ITGA8: variants seen among roughly 807,000 people sequenced by gnomAD.
ITGA8 encodes integrin alpha-8.
A neutral mutation model predicts 142.3 loss-of-function variants in ITGA8; 91 were observed. The ratio of observed to expected loss-of-function variants is 0.64; its 90% CI spans 0.54 to 0.76. ITGA8 has a LOEUF of 0.76. Among genes scored for constraint, ITGA8 ranks in the 30% least tolerant of loss-of-function variants. The pLI is 0.00. For missense variants in ITGA8, 1,406 were observed against 1,327.7 expected (o/e 1.06, Z -0.92); for synonymous variants, 505 against 485.2 (o/e 1.04, Z -0.54).
rs114735261 is a variant in ITGA8 at position 15,688,492 on chromosome 10, A to G, written c.344-454T>C. On this transcript the variant is annotated intron_variant, in intron 2 of 29. Transcript: ENST00000378076. Reference sequence around the variant, plus strand: ...TCTCAAAAAAATAAAAGAGAAGGAAATAATCCAAGGGCCAGCATTATCCTG... The same window carrying G: ...TCTCAAAAAAATAAAAGAGAAGGAAGTAATCCAAGGGCCAGCATTATCCTG... 6.7e-3 allele frequency among the ~76,000 whole-genome samples: 1,017 copies of G among 152,196 alleles called. 7 individuals are homozygous for G. Among genetic ancestry groups the G allele is most frequent in the African/African-American group, 0.023 (952 of 41,516 alleles).
intron 14 of ITGA8, among the ~76,000 whole-genome samples, chr10:15,615,739 C>T (rs992473530): frequency 1.3e-5 from 2 of 152,116 alleles, no homozygotes; most frequent in African/African-American, 4.8e-5. Flanking sequence ...GTCTCAAATG[C>T]CTGACCTCAA....
At chr10:15,662,661 T>C (rs1377928906) in intron 8 of ITGA8, among the ~76,000 whole-genome samples, 1 of 152,106 alleles carries the variant, frequency 6.6e-6, no homozygotes, top group Non-Finnish European at 1.5e-5. Context: ...ATAATCAATA[T>C]AATCAGGAAA....
chr10:15,702,570 C>T (rs553633062), intron 2 of ITGA8, among the ~76,000 whole-genome samples: 2 of 152,266 alleles, frequency 1.3e-5, no homozygotes, highest in African/African-American at 4.8e-5. Flanking sequence ...GGATTATAGG[C>T]GTGAGCCACC....
intron 26 of ITGA8, among the ~76,000 whole-genome samples, chr10:15,553,376 A>G (rs889920469): frequency 1.3e-5 from 2 of 150,352 alleles, no homozygotes; most frequent in Non-Finnish European, 2.9e-5. Context: ...CATTTGACTT[A>G]AGTTTAACTG....
chr10:15,627,390 T>C (rs1324137917), intron 13 of ITGA8, among the ~76,000 whole-genome samples: 1 of 152,202 alleles, frequency 6.6e-6, no homozygotes, highest in Non-Finnish European at 1.5e-5. Flanking sequence ...CTTTAGTCTG[T>C]GGTCTGGTTG....
rs533241439 is a variant in ITGA8, at chr10:15,663,624, A to C, written c.848-2702T>G. Among the ~76,000 whole-genome samples the C allele has an allele frequency of 2.0e-5, 3 of 151,676 alleles. No individual in the cohort carries two copies. In the South Asian group the frequency reaches 6.2e-4, roughly 32 times the overall value. ...AGTCTGTCACCCAAGGCTAGAGTGC[A>C]GTGGTGCAATGATGACTTACTTCAA... On this transcript the variant is annotated intron_variant, in intron 8 of 29. Coordinates refer to ENST00000378076, the MANE Select transcript of ITGA8 (RefSeq NM_003638.3).
At chr10:15,684,371 G>GTT (rs767902729) in intron 3 of ITGA8, among the ~76,000 whole-genome samples, 3 of 145,142 alleles carry the variant, frequency 2.1e-5, no homozygotes, top group African/African-American at 2.5e-5. Flanking sequence ...TCTGACAATA[G>GTT]TTTTTTTTTT....
At chr10:15,655,782 A>G (rs2131665677) in intron 10 of ITGA8, among the ~76,000 whole-genome samples, 1 of 152,250 alleles carries the variant, frequency 6.6e-6, no homozygotes, top group East Asian at 1.9e-4. Flanking sequence ...ATTCCATATG[A>G]TGTTGTATGA....
chr10:15,642,354 C>G (rs1833886550), intron 13 of ITGA8, among the ~76,000 whole-genome samples: 1 of 152,062 alleles, frequency 6.6e-6, no homozygotes, highest in African/African-American at 2.4e-5. Context: ...CCTCTATTTC[C>G]TTTGCCTCAT....
chr10:15,569,846 A>G (rs957575612), intron 25 of ITGA8, among the ~76,000 whole-genome samples: 2 of 152,232 alleles, frequency 1.3e-5, no homozygotes, highest in Non-Finnish European at 2.9e-5. Flanking sequence ...TTTTCACTAA[A>G]GTCCAAGTCA....
chr10:15,621,387 A>T (rs1833488748), intron 13 of ITGA8, among the ~76,000 whole-genome samples: 1 of 152,212 alleles, frequency 6.6e-6, no homozygotes, highest in Non-Finnish European at 1.5e-5. Context: ...TGGCAAGAAA[A>T]AAAAACCCTA....
chr10:15,542,292 C>T (rs1439944374), intron 27 of ITGA8, among the ~76,000 whole-genome samples: 2 of 152,176 alleles, frequency 1.3e-5, no homozygotes, highest in East Asian at 3.9e-4. Flanking sequence ...GAGAAATGCT[C>T]TTAATCTGCA....
chr10:15,714,552 C>G (rs956697517), intron 2 of ITGA8, among the ~76,000 whole-genome samples: 4 of 152,142 alleles, frequency 2.6e-5, no homozygotes, highest in Non-Finnish European at 4.4e-5. Context: ...CTCTTTGCAT[C>G]TCCCCCACCA....
chr10:15,599,855 A>C lies in ITGA8; in HGVS notation c.2119-2556T>G, dbSNP rs888059399. Among the ~76,000 whole-genome samples the C allele has an allele frequency of 2.6e-5, 4 of 152,268 alleles. No individual in the cohort carries two copies. The South Asian group carries it at 8.3e-4, about 32-fold the overall frequency. On this transcript the variant is annotated intron_variant, in intron 20 of 29. Coordinates refer to ENST00000378076, the MANE Select transcript of ITGA8 (RefSeq NM_003638.3). Reference sequence around the variant, plus strand: ...AGAATCGCTTGAACCTGGGAGACAGAGGTTGCAGTGAGCTGAGATCGCGCC... The same window carrying C: ...AGAATCGCTTGAACCTGGGAGACAGCGGTTGCAGTGAGCTGAGATCGCGCC...
intron 2 of ITGA8, among the ~76,000 whole-genome samples, chr10:15,715,139 G>C (rs1010218214): frequency 2.0e-5 from 3 of 152,010 alleles, no homozygotes; most frequent in Non-Finnish European, 1.5e-5. Context: ...ACTGAGCAGA[G>C]AGTAACTCAG....
At chr10:15,550,087 C>G (rs1203695744) in intron 26 of ITGA8, among the ~76,000 whole-genome samples, 1 of 152,146 alleles carries the variant, frequency 6.6e-6, no homozygotes, top group African/African-American at 2.4e-5. Context: ...TTCCCACATA[C>G]TGTTCTCATG....
At chr10:15,542,332 C>G (rs1429592729) in intron 27 of ITGA8, among the ~76,000 whole-genome samples, 1 of 152,294 alleles carries the variant, frequency 6.6e-6, no homozygotes, top group East Asian at 1.9e-4. Flanking sequence ...TGAGCTGTGA[C>G]TCTTAAATAC....
At chr10:15,537,980 A>AAAC (rs1564341774) in intron 27 of ITGA8, among the ~76,000 whole-genome samples, 4 of 152,014 alleles carry the variant, frequency 2.6e-5, no homozygotes, top group African/African-American at 9.7e-5. Flanking sequence ...ACAAAAAAAA[A>AAAC]ACACAAAAAT....
At chr10:15,633,091 G>C (rs1833712315) in intron 13 of ITGA8, among the ~76,000 whole-genome samples, 2 of 152,134 alleles carry the variant, frequency 1.3e-5, no homozygotes, top group South Asian at 4.1e-4. Context: ...TTGGAATACA[G>C]AGCATATATC....
Sources: allele counts gnomAD v4.1 joint callset (sites outside exome capture counted in the v4.1 genomes callset), GRCh38; gene constraint gnomAD v4.1.1; transcripts MANE v1.5; gene names NCBI Gene and HGNC (gene_info 2026-07-23, HGNC 2026-07-21).